Variants in SORBS2 observed in about 807,000 individuals in gnomAD.
SORBS2 encodes sorbin and SH3 domain-containing protein 2.
In SORBS2, 46 loss-of-function variants were observed where a neutral mutation model predicts 97.7. That is an observed-to-expected ratio of 0.47 (90% CI 0.37 to 0.60). The LOEUF (loss-of-function observed/expected upper bound fraction) is 0.60. Ranked by LOEUF, SORBS2 falls within the 20% of genes least tolerant of loss-of-function variation. The pLI, the probability that SORBS2 is intolerant of heterozygous loss-of-function variation, is 0.00. For synonymous variants in SORBS2, 476 were observed against 473.4 expected (o/e 1.01, Z -0.07); for missense variants, 1,316 against 1,282.3 (o/e 1.03, Z -0.40).
chr4:185,634,133 A>G (rs185036054), intron 4 of SORBS2, among the ~76,000 whole-genome samples: 18 of 152,306 alleles, frequency 1.2e-4, no homozygotes, highest in African/African-American at 4.3e-4. Context: ...TTTATTTAAT[A>G]TATAAATATT....
At chr4:185,877,942 C>T (rs202140791) in intron 1 of SORBS2, among the ~76,000 whole-genome samples, 16 of 53,118 alleles carry the variant, frequency 3.0e-4, no homozygotes, top group African/African-American at 6.8e-4. Context: ...ACTCTTTACC[C>T]AAAAAAACAA....
chr4:185,751,328 G>A (rs2098799290), intron 2 of SORBS2, among the ~76,000 whole-genome samples: 1 of 152,062 alleles, frequency 6.6e-6, no homozygotes, highest in South Asian at 2.1e-4. Context: ...CAAGAGATGA[G>A]GAAGACCAAG....
At chr4:185,667,066 G>A (rs1401060243) in intron 4 of SORBS2, among the ~76,000 whole-genome samples, 2 of 152,180 alleles carry the variant, frequency 1.3e-5, no homozygotes, top group East Asian at 1.9e-4. Context: ...TTGACCACAC[G>A]TGACAAATAG....
intron 1 of SORBS2, among the ~76,000 whole-genome samples, chr4:185,850,438 C>T (rs983601495): frequency 1.3e-5 from 2 of 151,972 alleles, no homozygotes; most frequent in Admixed American, 1.3e-4. Context: ...TCAGAGAGAC[C>T]CAAGCAAATG....
intron 4 of SORBS2, among the ~76,000 whole-genome samples, chr4:185,670,593 A>C (rs2153486392): frequency 6.6e-6 from 1 of 152,232 alleles, no homozygotes; most frequent in Non-Finnish European, 1.5e-5. Flanking sequence ...TTGAAAAGAA[A>C]ATATCTAGGA....
intron 1 of SORBS2, among the ~76,000 whole-genome samples, chr4:185,870,962 T>C (rs1001483969): frequency 3.3e-5 from 5 of 152,226 alleles, no homozygotes; most frequent in Admixed American, 1.3e-4. Flanking sequence ...TCTCTCCATA[T>C]GCACAATAGT....
chr4:185,853,550 A>G (rs964652929), intron 1 of SORBS2, among the ~76,000 whole-genome samples: 1 of 152,210 alleles, frequency 6.6e-6, no homozygotes, highest in Non-Finnish European at 1.5e-5. Flanking sequence ...GGATACACCA[A>G]TGAGGTACAC....
At chr4:185,765,750 C>A (rs1256438588) in intron 2 of SORBS2, among the ~76,000 whole-genome samples, 1 of 152,152 alleles carries the variant, frequency 6.6e-6, no homozygotes, top group African/African-American at 2.4e-5. Flanking sequence ...TAGGCATCAT[C>A]AATTTTTTTA....
At chr4:185,947,816 G>A (rs2150018535) in intron 1 of SORBS2, among the ~76,000 whole-genome samples, 1 of 152,266 alleles carries the variant, frequency 6.6e-6, no homozygotes, top group Non-Finnish European at 1.5e-5. Context: ...TCACCAGGTT[G>A]GCCAGGCTGG....
intron 1 of SORBS2, among the ~76,000 whole-genome samples, chr4:185,844,419 C>G (rs563584809): frequency 2.0e-5 from 3 of 151,642 alleles, no homozygotes; most frequent in Non-Finnish European, 4.4e-5. Flanking sequence ...GCACTTCACA[C>G]CCATGAGAAT....
intron 1 of SORBS2, among the ~76,000 whole-genome samples, chr4:185,944,302 G>T (rs1200695476): frequency 8.5e-5 from 13 of 152,182 alleles, no homozygotes; most frequent in Non-Finnish European, 4.4e-5. Flanking sequence ...GTGGCCACTA[G>T]CCTGGGCCTA....
chr4:185,930,286 TTTTTG>T (rs571706557), intron 1 of SORBS2, among the ~76,000 whole-genome samples: 55 of 152,012 alleles, frequency 3.6e-4, no homozygotes, highest in African/African-American at 1.2e-3. Flanking sequence ...GATAGAGGTT[TTTTTG>T]TTTTGTTTTG....
chr4:185,598,106 A>G (rs1228940731), intron 12 of SORBS2, among the ~76,000 whole-genome samples: 1 of 152,228 alleles, frequency 6.6e-6, no homozygotes, highest in Non-Finnish European at 1.5e-5. Context: ...TGACATTCAG[A>G]GAGGCTTACA....
In SORBS2 at chr4:185,606,269, G is replaced by C; in HGVS notation, c.2796+5511C>G. 1 of 984,334 alleles carries C rather than the reference G, an allele frequency of 1.0e-6. No individual in the cohort carries two copies. The highest frequency in any genetic ancestry group is 1.1e-4 in the East Asian group (1 of 8,798). The allele number at this position is 984,334 out of a possible 1,614,324, so 61.0% of individuals were successfully genotyped here. On this transcript the variant is annotated intron_variant, in intron 12 of 14. Transcript: ENST00000418609. This position sits in a 1 kb window ranked among gnomAD's most constrained non-coding sequence, Gnocchi z 4.3. ...TTTTTAGAATAGTGTCTGATACTCAGTAAGAGCTCCACTATTAGCTATCAT... is the reference window on the plus strand; with the variant it reads ...TTTTTAGAATAGTGTCTGATACTCACTAAGAGCTCCACTATTAGCTATCAT...
chr4:185,691,181 T>A (rs1198372217), intron 2 of SORBS2, among the ~76,000 whole-genome samples: 1 of 152,130 alleles, frequency 6.6e-6, no homozygotes, highest in Non-Finnish European at 1.5e-5. Flanking sequence ...ATTACAGGCG[T>A]GAGCCACCGT....
chr4:185,747,412 G>T (rs1004414953), intron 2 of SORBS2, among the ~76,000 whole-genome samples: 8 of 152,226 alleles, frequency 5.3e-5, no homozygotes, highest in Non-Finnish European at 8.8e-5. Flanking sequence ...TCTTGCAAAC[G>T]CTTGAGTGTA....
intron 1 of SORBS2, among the ~76,000 whole-genome samples, chr4:185,806,206 A>C (rs2153662375): frequency 6.6e-6 from 1 of 152,352 alleles, no homozygotes; most frequent in Non-Finnish European, 1.5e-5. Flanking sequence ...CAGAGGACTC[A>C]GTGCCTCTGA....
chr4:185,857,875 A>T (rs952914634), intron 1 of SORBS2, among the ~76,000 whole-genome samples: 2 of 152,130 alleles, frequency 1.3e-5, no homozygotes, highest in Non-Finnish European at 2.9e-5. Context: ...TCCTGTTAAG[A>T]TGTTTATCAA....
intron 1 of SORBS2, among the ~76,000 whole-genome samples, chr4:185,929,755 C>T (rs550015290): frequency 7.9e-5 from 12 of 152,080 alleles, no homozygotes; most frequent in African/African-American, 2.9e-4. Flanking sequence ...AGGATGGTCT[C>T]GATCTCTTGA....
Sources: gnomAD v4.1 joint callset for allele counts (sites outside exome capture counted in the v4.1 genomes callset) on GRCh38, gnomAD v4.1.1 for gene constraint, Gnocchi (gnomAD v3.1) non-coding constraint, MANE v1.5 for transcripts, NCBI Gene and HGNC (gene_info 2026-07-23, HGNC 2026-07-21) for gene names.